The following VTI1A variants were observed in gnomAD, a reference collection of about 807,000 sequenced individuals.
VTI1A encodes vesicle transport through interaction with t-SNAREs 1A, also known as vesicle transport through interaction with t-SNAREs homolog 1A.
In VTI1A, 22 loss-of-function variants were observed where a neutral mutation model predicts 34.9. The ratio of observed to expected loss-of-function variants is 0.63; its 90% CI spans 0.45 to 0.90. The LOEUF (loss-of-function observed/expected upper bound fraction) is 0.90, where lower values mean the gene tolerates loss of function less well. VTI1A is among the 40% of genes least tolerant of loss of function. VTI1A has a pLI of 0.00. For synonymous variants in VTI1A, 87 were observed against 97.3 expected (o/e 0.89, Z 0.62); for missense variants, 268 against 275.6 (o/e 0.97, Z 0.20).
intron 3 of VTI1A, among the ~76,000 whole-genome samples, chr10:112,488,400 G>A (rs1005308856): frequency 2.6e-5 from 4 of 152,146 alleles, no homozygotes; most frequent in African/African-American, 7.2e-5. Flanking sequence ...AGAGTACCAA[G>A]TCGAACTATC....
chr10:112,837,784 G>A, the VTI1A span, among the ~76,000 whole-genome samples: 1 of 152,176 alleles, frequency 6.6e-6, no homozygotes, highest in Non-Finnish European at 1.5e-5. Context: ...GGGCTTTATA[G>A]GGAGAGTCTG....
intron 7 of VTI1A, among the ~76,000 whole-genome samples, chr10:112,687,572 G>T (rs867506919): frequency 7.8e-4 from 116 of 149,050 alleles, no homozygotes; most frequent in Middle Eastern, 7.0e-3. Context: ...AATAGGACTT[G>T]AAAATTTTCA....
chr10:112,614,031 A>G (rs954191227), intron 5 of VTI1A, among the ~76,000 whole-genome samples: 9 of 152,050 alleles, frequency 5.9e-5, no homozygotes, highest in African/African-American at 1.9e-4. Flanking sequence ...AAATATGTTC[A>G]TATTTTTTTC....
chr10:112,519,070 C>T (rs1002117016), intron 3 of VTI1A, among the ~76,000 whole-genome samples: 1 of 151,882 alleles, frequency 6.6e-6, no homozygotes, highest in Admixed American at 6.6e-5. Context: ...AATTATGAAC[C>T]CTATAACCTC....
chr10:112,733,894 A>G (rs1850360965), intron 7 of VTI1A, among the ~76,000 whole-genome samples: 1 of 151,842 alleles, frequency 6.6e-6, no homozygotes, highest in Non-Finnish European at 1.5e-5. Flanking sequence ...CTGAGATTAC[A>G]GGGGTGCACC....
intron 7 of VTI1A, among the ~76,000 whole-genome samples, chr10:112,781,589 C>G (rs905845094): frequency 6.6e-5 from 10 of 151,972 alleles, no homozygotes; most frequent in African/African-American, 2.4e-4. Flanking sequence ...ACCTGTGATC[C>G]CAGCACTTTG....
intron 3 of VTI1A, among the ~76,000 whole-genome samples, chr10:112,525,172 C>T (rs774623746): frequency 4.3e-4 from 65 of 152,096 alleles, no homozygotes; most frequent in Non-Finnish European, 1.5e-4. Flanking sequence ...AATTGTCGAG[C>T]GATCTGATGT....
At chr10:112,828,200 G>A in the VTI1A span, among the ~76,000 whole-genome samples, 1 of 152,052 alleles carries the variant, frequency 6.6e-6, no homozygotes. Flanking sequence ...TTGCTTGGGG[G>A]GTTGTTGGTG....
intron 7 of VTI1A, among the ~76,000 whole-genome samples, chr10:112,704,523 A>T (rs1267956440): frequency 6.6e-6 from 1 of 152,150 alleles, no homozygotes; most frequent in African/African-American, 2.4e-5. Context: ...CTCATTGTTA[A>T]TCATAATAAT....
At chr10:112,835,420 GT>G in the VTI1A span, among the ~76,000 whole-genome samples, 1 of 152,206 alleles carries the variant, frequency 6.6e-6, no homozygotes, top group Non-Finnish European at 1.5e-5. Context: ...TGCTGCGATT[GT>G]TTTTAAGCCA....
At chr10:112,633,382 C>T (rs1057021554) in intron 5 of VTI1A, among the ~76,000 whole-genome samples, 1 of 152,188 alleles carries the variant, frequency 6.6e-6, no homozygotes, top group African/African-American at 2.4e-5. Flanking sequence ...TGTGAGGAAA[C>T]CTCCGAATTC....
intron 5 of VTI1A, among the ~76,000 whole-genome samples, chr10:112,591,129 C>T (rs79243730): frequency 0.011 from 1,661 of 152,186 alleles, 32 homozygotes; most frequent in African/African-American, 0.036. Flanking sequence ...GAAATAGCTT[C>T]AGCTACGATA....
intron 5 of VTI1A, among the ~76,000 whole-genome samples, chr10:112,590,869 G>C (rs527814297): frequency 2.4e-4 from 36 of 152,210 alleles, no homozygotes; most frequent in Admixed American, 2.3e-3. Flanking sequence ...GGAAGGCCAA[G>C]GCGGGCAGAT....
chr10:112,591,925 T>C (rs1834099114), intron 5 of VTI1A, among the ~76,000 whole-genome samples: 1 of 152,172 alleles, frequency 6.6e-6, no homozygotes, highest in East Asian at 1.9e-4. Flanking sequence ...CAGAAAACTT[T>C]CTGTGTTGGA....
intron 7 of VTI1A, among the ~76,000 whole-genome samples, chr10:112,738,925 T>TGAGG (rs1372475832): frequency 2.0e-5 from 3 of 152,200 alleles, no homozygotes; most frequent in Non-Finnish European, 4.4e-5. Context: ...GATCCCGCAG[T>TGAGG]GAGGGCTTAA....
intron 5 of VTI1A, among the ~76,000 whole-genome samples, chr10:112,619,180 T>C (rs1196197135): frequency 2.0e-5 from 3 of 152,008 alleles, no homozygotes; most frequent in African/African-American, 7.3e-5. Flanking sequence ...GCTGACTTCA[T>C]GATTGAAGGG....
intron 5 of VTI1A, among the ~76,000 whole-genome samples, chr10:112,593,769 C>T (rs904925242): frequency 6.6e-6 from 1 of 152,064 alleles, no homozygotes; most frequent in Non-Finnish European, 1.5e-5. Context: ...CGGAGTCTTG[C>T]TCTGTCACTC....
At chr10:112,464,880 C>T (rs17129806) in intron 3 of VTI1A, 40,253 of 550,896 alleles carry the variant, frequency 0.073, 1,650 homozygotes, top group Middle Eastern at 0.098. Context: ...CCAAATCATG[C>T]GGCCCTTTGA....
chr10:112,623,830 G>C, intron 5 of VTI1A, among the ~76,000 whole-genome samples: 1 of 152,130 alleles, frequency 6.6e-6, no homozygotes, highest in East Asian at 1.9e-4. Flanking sequence ...GGGGAAAATT[G>C]CCTCTGCTAA....
Sources: gnomAD v4.1 joint callset for allele counts (sites outside exome capture counted in the v4.1 genomes callset) on GRCh38, gnomAD v4.1.1 for gene constraint, MANE v1.5 for transcripts, NCBI Gene and HGNC (gene_info 2026-07-23, HGNC 2026-07-21) for gene names.